Variants in ARHGEF26 observed in about 807,000 individuals in gnomAD.
The protein encoded by ARHGEF26 is Rho guanine nucleotide exchange factor 26, also known as Rho guanine nucleotide exchange factor (GEF) 26.
Under a neutral mutation model 89.4 loss-of-function variants are expected in ARHGEF26, and 59 were observed. The observed-to-expected ratio is 0.66, with a 90% confidence interval of 0.54 to 0.82. ARHGEF26 has a LOEUF of 0.82. Among genes scored for constraint, ARHGEF26 ranks in the 40% least tolerant of loss-of-function variants. ARHGEF26 has a pLI of 0.00. For synonymous variants in ARHGEF26, 500 were observed against 428.4 expected (o/e 1.17, Z -2.06); for missense variants, 1,234 against 1,085.6 (o/e 1.14, Z -1.92).
In ARHGEF26 at chr3:154,237,538, T is replaced by TCTCACACA. The variant is rs1553751364; in HGVS notation, c.2091-2831_2091-2830insTCACACAC. Among the ~76,000 whole-genome samples the TCTCACACA allele has an allele frequency of 3.1e-4, 44 of 143,298 alleles. 1 individual carries two copies. Among genetic ancestry groups the TCTCACACA allele is most frequent in the African/African-American group, 1.0e-3 (39 of 38,260 alleles). The allele number at this position is 143,298 out of a possible 152,430, so 94.0% of individuals were successfully genotyped here. A position where few individuals can be genotyped will look rare whatever the true frequency, so the allele number is the denominator to read the frequency against. On this transcript the variant is annotated intron_variant, in intron 11 of 14. Transcript: ENST00000465093. ...GCCTGGGTGACAGAGTGAGACTCCG[T>TCTCACACA]CACACACACACACACACACACACAC...
intron 6 of ARHGEF26, among the ~76,000 whole-genome samples, chr3:154,159,440 A>G (rs1711540158): frequency 1.3e-5 from 2 of 152,132 alleles, no homozygotes; most frequent in South Asian, 2.1e-4. Context: ...CCAACATATA[A>G]TGAGCAGTGA....
chr3:154,148,856 C>A, intron 4 of ARHGEF26, among the ~76,000 whole-genome samples: 1 of 152,096 alleles, frequency 6.6e-6, no homozygotes, highest in East Asian at 1.9e-4. Flanking sequence ...GTGGGTAAAG[C>A]TAAGAACATT....
At chr3:154,123,453 T>C (rs73875322) in intron 2 of ARHGEF26, among the ~76,000 whole-genome samples, 1,957 of 152,266 alleles carry the variant, frequency 0.013, 35 homozygotes, top group African/African-American at 0.044. Context: ...GGAGTTTGCT[T>C]AGAGGTTTCA....
At chr3:154,234,888 C>A (rs1003013299) in intron 11 of ARHGEF26, among the ~76,000 whole-genome samples, 1 of 152,190 alleles carries the variant, frequency 6.6e-6, no homozygotes. Context: ...GCCTCAGCCT[C>A]CTGAGTAGCT....
chr3:154,211,765 C>G (rs1559902034), intron 9 of ARHGEF26, among the ~76,000 whole-genome samples: 1 of 152,058 alleles, frequency 6.6e-6, no homozygotes, highest in Non-Finnish European at 1.5e-5. Flanking sequence ...TTTTAACATG[C>G]AAACAAGCTG....
intron 12 of ARHGEF26, among the ~76,000 whole-genome samples, chr3:154,251,795 T>C (rs1347487703): frequency 6.6e-6 from 1 of 152,160 alleles, no homozygotes; most frequent in Non-Finnish European, 1.5e-5. Context: ...GTAATAGAAA[T>C]TCCATGGTAA....
intron 7 of ARHGEF26, among the ~76,000 whole-genome samples, chr3:154,189,398 C>T (rs1249022344): frequency 1.5e-5 from 2 of 136,790 alleles, no homozygotes; most frequent in South Asian, 2.3e-4. Context: ...AGTGCAGTGG[C>T]GCAATCTTGG....
rs75497713 is a variant in ARHGEF26 at position 154,178,418 on chromosome 3, T to G, written c.1488-9267T>G. 4.3e-3 allele frequency among the ~76,000 whole-genome samples: 662 copies of G among 152,222 alleles called. 1 individual carries two copies. The highest frequency in any genetic ancestry group is 0.015 in the African/African-American group (639 of 41,550). ...GCATTTCCCCCCACACTTCCCCAGC[T>G]CTAGGCTGCCACCAGTCTACTTTCT... is the stretch of plus-strand genomic sequence containing the variant. On this transcript the variant is annotated intron_variant, in intron 6 of 14. Transcript: ENST00000465093.
chr3:154,185,843 C>T (rs1344959702), intron 6 of ARHGEF26, among the ~76,000 whole-genome samples: 2 of 152,288 alleles, frequency 1.3e-5, no homozygotes, highest in South Asian at 2.1e-4. Flanking sequence ...TACCAGTCAT[C>T]TCACTGGCAT....
Position 154,240,521 on chromosome 3 carries a change from A to G in ARHGEF26, c.2242A>G (p.Thr748Ala). The G allele has an allele frequency of 6.2e-7, 1 of 1,613,268 alleles. No homozygotes were observed. Among genetic ancestry groups the G allele is most frequent in the Non-Finnish European group, 8.5e-7 (1 of 1,179,540 alleles). The change falls in exon 12 of 15, where the codon ACA becomes GCA. Residue 748 changes from threonine (T) to alanine (A), a missense_variant. Physicochemically the swap from Thr to Ala is moderately conservative, Grantham distance 58. Transcript: ENST00000465093. ...CTCTGCCAGTCACCTCTTTACTCTG[A>G]CAGTCCTTAGTAACCACGCGAATGA... ...QSSASHLFTL[T>A]VLSNHANEKV...
At position 154,148,234 on chromosome 3, in the gene ARHGEF26, A is replaced by G. The variant is rs570846443; in HGVS notation, c.1270-1155A>G. On this transcript the variant is annotated intron_variant, in intron 4 of 14. Coordinates refer to ENST00000465093, the MANE Select transcript of ARHGEF26 (RefSeq NM_015595.4). ...TTAGAAGAAACTTTCAGGCTCCCCA[A>G]ATGTGTGACACTTCAGTTTTCTCAA... 5.9e-5 allele frequency among the ~76,000 whole-genome samples: 9 copies of G among 152,250 alleles called. No homozygotes were observed. In the South Asian group the frequency reaches 1.0e-3, roughly 18 times the overall value.
At chr3:154,130,431 G>A (rs6809070) in intron 4 of ARHGEF26, among the ~76,000 whole-genome samples, 5,744 of 152,080 alleles carry the variant, frequency 0.038, 358 homozygotes, top group African/African-American at 0.13. Flanking sequence ...ATGAGCCACC[G>A]CATCTAGCCC....
chr3:154,136,211 TTAAAG>T (rs1357107148), intron 4 of ARHGEF26, among the ~76,000 whole-genome samples: 1 of 83,718 alleles, frequency 1.2e-5, no homozygotes, highest in African/African-American at 4.7e-5. Flanking sequence ...GTTTGATTTC[TTAAAG>T]TATTTTAATT....
chr3:154,126,077 A>G (rs1288390720), intron 3 of ARHGEF26, among the ~76,000 whole-genome samples: 2 of 152,190 alleles, frequency 1.3e-5, no homozygotes, highest in Non-Finnish European at 2.9e-5. Flanking sequence ...TGTTATGCAT[A>G]TATACTTTGT....
intron 12 of ARHGEF26, among the ~76,000 whole-genome samples, chr3:154,247,142 C>T (rs1413913178): frequency 6.6e-6 from 1 of 152,130 alleles, no homozygotes. Flanking sequence ...ATGTTTTTCT[C>T]AGCCTCTTAT....
Position 154,194,602 on chromosome 3 carries a change from A to G in ARHGEF26, c.1771-42A>G, listed in dbSNP as rs142290740. 183 of 1,427,778 alleles carry G rather than the reference A, an allele frequency of 1.3e-4. 1 individual carries two copies. The African/African-American group carries it at 2.2e-3, about 17-fold the overall frequency. 88.4% of individuals were successfully genotyped at this position (1,427,778 alleles called of 1,614,324 possible). On this transcript the variant is annotated intron_variant, in intron 8 of 14. Transcript: ENST00000465093. The stretch of plus-strand genomic sequence containing the variant: ...GGACATTGGTTTTATTTTACTTAAT[A>G]AAATAGATCAATAAATTTTGTTCAC...
chr3:154,226,734 T>A (rs1337668374), intron 11 of ARHGEF26, among the ~76,000 whole-genome samples: 4 of 151,644 alleles, frequency 2.6e-5, no homozygotes, highest in Non-Finnish European at 5.9e-5. Flanking sequence ...ACATACTTTA[T>A]TAAATGCACC....
intron 4 of ARHGEF26, among the ~76,000 whole-genome samples, chr3:154,133,921 C>G (rs950880929): frequency 2.6e-5 from 4 of 152,090 alleles, no homozygotes; most frequent in African/African-American, 9.7e-5. Flanking sequence ...CCCTAATTAG[C>G]TATATTCCTA....
chr3:154,132,173 C>T (rs1210669767), intron 4 of ARHGEF26, among the ~76,000 whole-genome samples: 3 of 152,100 alleles, frequency 2.0e-5, no homozygotes, highest in Admixed American at 2.0e-4. Flanking sequence ...TTTTCACTTA[C>T]ATTTTACTTT....
Sources: gnomAD v4.1 joint callset for allele counts (sites outside exome capture counted in the v4.1 genomes callset) on GRCh38, gnomAD v4.1.1 for gene constraint, MANE v1.5 for transcripts, NCBI Gene and HGNC (gene_info 2026-07-23, HGNC 2026-07-21) for gene names.